Variants in NBPF26 observed in about 807,000 individuals in gnomAD.
The protein encoded by NBPF26 is NBPF member 26.
In NBPF26, 79 loss-of-function variants were observed where a neutral mutation model predicts 119.6. That is an observed-to-expected ratio of 0.66 (90% CI 0.55 to 0.80). The LOEUF is 0.80. NBPF26 is among the 30% of genes least tolerant of loss of function. The probability of loss-of-function intolerance (pLI) is 0.00; values close to 1 mark genes in which losing one functional copy is unlikely to be tolerated. For missense variants in NBPF26, 800 were observed against 1,198.2 expected (o/e 0.67, Z 4.91); for synonymous variants, 299 against 457.7 (o/e 0.65, Z 4.43).
chr1:120,724,238 G>T, exon 1 of NBPF26: 1 of 1,402,594 alleles, frequency 7.1e-7, no homozygotes, highest in Non-Finnish European at 9.4e-7. Flanking sequence ...GTGCTGGGCG[G>T]CCCCCGCGCA....
In NBPF26 at chr1:120,801,664, C is replaced by T. The variant is rs1651583352; in HGVS notation, c.752-3892C>T. Among the ~76,000 whole-genome samples, 3 of 106,568 alleles carry T rather than the reference C, an allele frequency of 2.8e-5. 1 individual carries two copies. The highest frequency in any genetic ancestry group is 2.8e-4 in the South Asian group (1 of 3,602). The allele number at this position is 106,568 out of a possible 152,430, so 69.9% of individuals were successfully genotyped here. Reference sequence around the variant, plus strand: ...GAGCAACATAGCAAGACCTTGTCTCCATGAAAAATAAAAAACTAGCCAGAA... The same window carrying T: ...GAGCAACATAGCAAGACCTTGTCTCTATGAAAAATAAAAAACTAGCCAGAA... On this transcript the variant is annotated intron_variant, in intron 4 of 29. Coordinates refer to ENST00000620612, the Ensembl canonical transcript of NBPF26.
Position 120,806,128 on chromosome 1 carries a change from G to A in NBPF26, c.961+363G>A, listed in dbSNP as rs1268728426. 2.8e-4 allele frequency among the ~76,000 whole-genome samples: 31 copies of A among 110,868 alleles called. 5 individuals are homozygous for A. The highest frequency in any genetic ancestry group is 1.0e-3 in the East Asian group (5 of 4,816). 72.7% of individuals were successfully genotyped at this position (110,868 alleles called of 152,430 possible). The stretch of plus-strand genomic sequence containing the variant: ...TCTAGTCTGTTGTTCTAAATGTCTA[G>A]GACTAGTGAACTTTTATTCAGTTCA... On this transcript the variant is annotated intron_variant, in intron 5 of 29. Transcript: ENST00000620612.
rs1651469404 is a variant in NBPF26, at chr1:120,790,238, T to C, written c.416-2923T>C. On this transcript the variant is annotated intron_variant, in intron 3 of 29. Transcript: ENST00000620612. ...ACCTTGTTAGCCAGAATGGTCTGGATCGCCTGACCTCATGATCCACCCGCC... is the reference window on the plus strand; with the variant it reads ...ACCTTGTTAGCCAGAATGGTCTGGACCGCCTGACCTCATGATCCACCCGCC... Among the ~76,000 whole-genome samples, 6 of 106,420 alleles carry C rather than the reference T, an allele frequency of 5.6e-5. 2 individuals are homozygous for C. The highest frequency in any genetic ancestry group is 5.4e-4 in the Admixed American group (6 of 11,012). 69.8% of individuals were successfully genotyped at this position (106,420 alleles called of 152,430 possible).
In NBPF26 at chr1:120,770,469, G is replaced by A. The variant is rs1223370208; in HGVS notation, c.155+6760G>A. Reference sequence around the variant, plus strand: ...CAGGCGTGAGCCACCACACCCAGCCGAGGACATAGGTTTTTTTATGCCAGA... The same window carrying A: ...CAGGCGTGAGCCACCACACCCAGCCAAGGACATAGGTTTTTTTATGCCAGA... On this transcript the variant is annotated intron_variant, in intron 2 of 29. Coordinates refer to ENST00000620612, the Ensembl canonical transcript of NBPF26. Among the ~76,000 whole-genome samples, 154 of 113,582 alleles carry A rather than the reference G, an allele frequency of 1.4e-3. 41 individuals carry two copies. Among genetic ancestry groups the A allele is most frequent in the Non-Finnish European group, 2.1e-3 (128 of 60,164 alleles). 74.5% of individuals were successfully genotyped at this position (113,582 alleles called of 152,430 possible). A position where few individuals can be genotyped will look rare whatever the true frequency, so the allele number is the denominator to read the frequency against.
chr1:120,823,041 A>T lies in NBPF26; in HGVS notation c.2588-268A>T, dbSNP rs1469885386. On this transcript the variant is annotated intron_variant, in intron 16 of 29. Transcript: ENST00000620612. ...TTTGCCTACAATTTATTGGGGAAAA[A>T]ATTGCTCATTTGTGTACATAAACCT... is the stretch of plus-strand genomic sequence containing the variant. 8.1e-4 allele frequency among the ~76,000 whole-genome samples: 99 copies of T among 122,790 alleles called. 22 individuals carry two copies. The highest frequency in any genetic ancestry group is 1.3e-3 in the Non-Finnish European group (78 of 60,768). The allele number at this position is 122,790 out of a possible 152,430, so 80.6% of individuals were successfully genotyped here. A position where few individuals can be genotyped will look rare whatever the true frequency, so the allele number is the denominator to read the frequency against.
At chr1:120,728,459 T>G (rs2101342668) in intron 1 of NBPF26, among the ~76,000 whole-genome samples, 1 of 114,458 alleles carries the variant, frequency 8.7e-6, no homozygotes, top group South Asian at 2.6e-4. Context: ...GTGTGGGGTT[T>G]CTTTCTTTCT....
chr1:120,724,796 T>G, intron 1 of NBPF26, among the ~76,000 whole-genome samples: 1 of 101,388 alleles, frequency 9.9e-6, no homozygotes, highest in East Asian at 2.3e-4. Context: ...CGCGCCTGAG[T>G]TTTGACACTC....
chr1:120,815,177 G>A (rs1651980540), intron 12 of NBPF26, 134 bp downstream of exon 12: 2 of 696,700 alleles, frequency 2.9e-6, no homozygotes, highest in Admixed American at 3.0e-5. Flanking sequence ...ACATGACCAG[G>A]ACTTCTTGGG....
chr1:120,823,068 G>A (rs1652155357), intron 16 of NBPF26, among the ~76,000 whole-genome samples: 4 of 120,354 alleles, frequency 3.3e-5, no homozygotes, highest in South Asian at 2.5e-4. Flanking sequence ...CATAAACCTA[G>A]GACAGAGCAC....
rs1164014226 is a variant in NBPF26 at position 120,822,857 on chromosome 1, G to A, written c.2588-452G>A. On this transcript the variant is annotated intron_variant, in intron 16 of 29. Coordinates refer to ENST00000620612, the Ensembl canonical transcript of NBPF26. ...ACCCACAAAAGCCATAATAGCTGAT[G>A]CTTCTGTGTAGAACCAAGTTTCATT... is the stretch of plus-strand genomic sequence containing the variant. Among the ~76,000 whole-genome samples, 2 of 119,088 alleles carry A rather than the reference G, an allele frequency of 1.7e-5. 1 individual carries two copies. The highest frequency in any genetic ancestry group is 3.3e-5 in the Non-Finnish European group (2 of 60,336). 78.1% of individuals were successfully genotyped at this position (119,088 alleles called of 152,430 possible).
chr1:120,724,030 T>C lies in NBPF26; in HGVS notation c.-148T>C, dbSNP rs1317164069. The C allele has an allele frequency of 1.1e-4, 139 of 1,245,984 alleles. 49 individuals are homozygous for C. In the African/African-American group the frequency reaches 3.9e-3, roughly 35 times the overall value. 77.2% of individuals were successfully genotyped at this position (1,245,984 alleles called of 1,614,324 possible). ...GAGTCGAGGCATTTGCACCTGGGCT[T>C]CGGAGCGTAGCGCCAGGGCCTGAGC... On this transcript the variant is annotated 5_prime_UTR_variant, in exon 1 of 30. Transcript: ENST00000620612.
intron 2 of NBPF26, among the ~76,000 whole-genome samples, chr1:120,770,284 C>G (rs1651247937): frequency 9.3e-6 from 1 of 107,204 alleles, no homozygotes. Flanking sequence ...ATTCTCCTGC[C>G]TCAGCCTCTC....
At chr1:120,813,088 G>T (rs1161750733) in intron 10 of NBPF26, among the ~76,000 whole-genome samples, 1,913 of 115,552 alleles carry the variant, frequency 0.017, 176 homozygotes, top group East Asian at 0.06. Context: ...GCAGTGCAGT[G>T]TACAGAGCAG....
chr1:120,832,682 C>T (rs1652369289), intron 22 of NBPF26, among the ~76,000 whole-genome samples, 193 bp from the exon 27 acceptor site: 1 of 120,990 alleles, frequency 8.3e-6, no homozygotes, highest in East Asian at 2.1e-4. Context: ...GGACACTTTA[C>T]CCACAGTTTC....
Position 120,806,154 on chromosome 1 carries a change from A to C in NBPF26, c.961+389A>C, listed in dbSNP as rs1349330569. On this transcript the variant is annotated intron_variant, in intron 5 of 29. Coordinates refer to ENST00000620612, the Ensembl canonical transcript of NBPF26. ...GACTAGTGAACTTTTATTCAGTTCA[A>C]GTTTCTGTTGAGGCCCAACAGGCAA... Among the ~76,000 whole-genome samples the C allele has an allele frequency of 6.9e-5, 8 of 116,526 alleles. 3 individuals carry two copies. Among genetic ancestry groups the C allele is most frequent in the Non-Finnish European group, 1.4e-4 (8 of 58,698 alleles). 76.4% of individuals were successfully genotyped at this position (116,526 alleles called of 152,430 possible). A position where few individuals can be genotyped will look rare whatever the true frequency, so the allele number is the denominator to read the frequency against.
intron 4 of NBPF26, among the ~76,000 whole-genome samples, chr1:120,801,633 C>T (rs1392555593): frequency 3.0e-5 from 3 of 101,514 alleles, no homozygotes; most frequent in Non-Finnish European, 5.3e-5. Context: ...AGTTCAAAAC[C>T]AGCCTGAGCA....
At chr1:120,811,371 C>T (rs1166558164) in intron 9 of NBPF26, among the ~76,000 whole-genome samples, 1 of 111,318 alleles carries the variant, frequency 9.0e-6, no homozygotes, top group Non-Finnish European at 1.7e-5. Flanking sequence ...GATGGCGAAA[C>T]CCCATCTCTA....
rs1651840330 is a variant in NBPF26 at position 120,810,706 on chromosome 1, C to A, written c.1564+148C>A. 69 of 969,966 alleles carry A rather than the reference C, an allele frequency of 7.1e-5. No individual in the cohort carries two copies. In the South Asian group the frequency reaches 9.8e-4, roughly 14 times the overall value. The allele number at this position is 969,966 out of a possible 1,614,324, so 60.1% of individuals were successfully genotyped here. On this transcript the variant is annotated intron_variant, in intron 9 of 29. Transcript: ENST00000620612. ...CTGTGACTCACACATATAATCACAG[C>A]ACTTTGGAAGGCCCAAGTGGGACGA...
chr1:120,724,120 A>C (rs1309961506), exon 1 of NBPF26: 1 of 1,347,306 alleles, frequency 7.4e-7, no homozygotes, highest in Non-Finnish European at 9.6e-7. Flanking sequence ...CCCCATGTGG[A>C]TCTGCCCAGG....
Sources: gnomAD v4.1 joint callset for allele counts (sites outside exome capture counted in the v4.1 genomes callset) on GRCh38, gnomAD v4.1.1 for gene constraint, MANE v1.5 for transcripts, NCBI Gene and HGNC (gene_info 2026-07-23, HGNC 2026-07-21) for gene names.